The following RBFOX1 variants were observed in gnomAD, a reference collection of about 807,000 sequenced individuals.
The protein encoded by RBFOX1 is RNA binding protein fox-1 homolog 1.
A neutral mutation model predicts 57.7 loss-of-function variants in RBFOX1; 8 were observed. The observed-to-expected ratio is 0.14, with a 90% confidence interval of 0.08 to 0.25. The LOEUF is 0.25. RBFOX1 is among the 10% of genes least tolerant of loss of function. RBFOX1 has a pLI of 1.00. For synonymous variants in RBFOX1, 326 were observed against 222.4 expected, an observed-to-expected ratio of 1.47 and a Z score of -4.15; for missense variants, 611 against 548.5, an observed-to-expected ratio of 1.11 and a Z score of -1.14.
chr16:6,474,610 A>T (rs1042531950), intron 2 of RBFOX1, among the ~76,000 whole-genome samples: 3 of 152,188 alleles, frequency 2.0e-5, no homozygotes, highest in East Asian at 1.9e-4. Flanking sequence ...TTAGCATGGG[A>T]TGGTGTGGTG....
At chr16:5,459,145 G>A (rs1192433770) in intron 1 of RBFOX1, among the ~76,000 whole-genome samples, 5 of 152,152 alleles carry the variant, frequency 3.3e-5, no homozygotes, top group Admixed American at 2.6e-4. Flanking sequence ...TTTTCTTGGC[G>A]ATGGAGTTCC....
chr16:6,578,987 C>G (rs1037553330), intron 2 of RBFOX1, among the ~76,000 whole-genome samples: 15 of 151,834 alleles, frequency 9.9e-5, no homozygotes, highest in African/African-American at 3.6e-4. Context: ...GAAATCACCA[C>G]TAAAGCACTT....
intron 2 of RBFOX1, among the ~76,000 whole-genome samples, chr16:6,369,089 T>G (rs2090074064): frequency 6.6e-6 from 1 of 152,180 alleles, no homozygotes; most frequent in Admixed American, 6.5e-5. Context: ...TATATATACA[T>G]GTATGTATGT....
intron 4 of RBFOX1, among the ~76,000 whole-genome samples, chr16:7,217,486 G>C (rs1038494748): frequency 7.9e-5 from 12 of 151,802 alleles, no homozygotes; most frequent in African/African-American, 2.9e-4. Flanking sequence ...TGGAAGCTTT[G>C]TTCCTGGTGT....
chr16:6,153,618 C>T (rs1231842241), intron 1 of RBFOX1, among the ~76,000 whole-genome samples: 4 of 152,084 alleles, frequency 2.6e-5, no homozygotes, highest in Non-Finnish European at 5.9e-5. Context: ...TCACTGCAAC[C>T]TCTGCCTCCC....
intron 12 of RBFOX1, among the ~76,000 whole-genome samples, chr16:7,661,117 A>G (rs908537044): frequency 1.3e-5 from 2 of 152,162 alleles, no homozygotes; most frequent in Non-Finnish European, 1.5e-5. Flanking sequence ...GAGAAAAACA[A>G]TGTTTTGGTA....
intron 3 of RBFOX1, among the ~76,000 whole-genome samples, chr16:6,887,903 C>T (rs898526826): frequency 1.3e-5 from 2 of 152,082 alleles, no homozygotes; most frequent in South Asian, 2.1e-4. Context: ...TTCAAGTGAT[C>T]CACCCGTCAT....
chr16:5,385,994 A>G (rs1316358600), intron 1 of RBFOX1, among the ~76,000 whole-genome samples: 1 of 152,180 alleles, frequency 6.6e-6, no homozygotes, highest in Non-Finnish European at 1.5e-5. Flanking sequence ...AGAGGAGGAA[A>G]TGAATGCCTC....
rs148937409 is a variant in RBFOX1 at position 6,825,465 on chromosome 16, A to G, written c.-16+170815A>G. Among the ~76,000 whole-genome samples the G allele has an allele frequency of 7.7e-4, 117 of 152,266 alleles. 2 individuals are homozygous for G. Among genetic ancestry groups the G allele is most frequent in the Non-Finnish European group, 1.2e-3 (84 of 68,012 alleles). On this transcript the variant is annotated intron_variant, in intron 3 of 15. Transcript: ENST00000550418. ...GGGAAAGGAAAAATAACGACAGGAA[A>G]AGGGAGTTGTGTGTTTAGAACAAAC...
chr16:6,735,310 G>T (rs1568400834), intron 3 of RBFOX1, among the ~76,000 whole-genome samples: 1 of 152,192 alleles, frequency 6.6e-6, no homozygotes, highest in African/African-American at 2.4e-5. Context: ...GTTCATGTTG[G>T]TGGAATTACT....
intron 4 of RBFOX1, among the ~76,000 whole-genome samples, chr16:7,221,094 C>G (rs954308007): frequency 3.9e-5 from 6 of 152,206 alleles, no homozygotes; most frequent in African/African-American, 1.4e-4. Flanking sequence ...GTTGATGTGA[C>G]TAAATTTTGA....
rs112755564 is a variant in RBFOX1 at position 6,310,712 on chromosome 16, C to T, written c.-126-6283C>T. 2.8e-3 allele frequency among the ~76,000 whole-genome samples: 426 copies of T among 152,204 alleles called. 5 individuals carry two copies. The highest frequency in any genetic ancestry group is 9.7e-3 in the African/African-American group (405 of 41,548). On this transcript the variant is annotated intron_variant, in intron 1 of 15. Coordinates refer to ENST00000550418, the MANE Select transcript of RBFOX1 (RefSeq NM_018723.4). ...CACTCATGAATATGACTGGGCACAG[C>T]CTGGTGCTTCGAGGTGCTGCCACTC...
chr16:5,798,502 T>G (rs1342029816), intron 3 of RBFOX1, among the ~76,000 whole-genome samples: 2 of 152,098 alleles, frequency 1.3e-5, no homozygotes, highest in Non-Finnish European at 2.9e-5. Flanking sequence ...CATGCAGACT[T>G]GAAACAACCT....
intron 4 of RBFOX1, among the ~76,000 whole-genome samples, chr16:7,495,950 T>C (rs2068501362): frequency 1.3e-5 from 2 of 152,198 alleles, no homozygotes; most frequent in African/African-American, 4.8e-5. Context: ...CTCATTTAAA[T>C]TTATGTTTGA....
intron 1 of RBFOX1, among the ~76,000 whole-genome samples, chr16:6,227,170 T>C (rs1213331590): frequency 6.6e-6 from 1 of 152,036 alleles, no homozygotes; most frequent in Non-Finnish European, 1.5e-5. Context: ...TATATCTTTT[T>C]GTTGCAGACA....
At chr16:7,667,719 C>G (rs376614590) in intron 13 of RBFOX1, among the ~76,000 whole-genome samples, 1 of 152,118 alleles carries the variant, frequency 6.6e-6, no homozygotes, top group East Asian at 1.9e-4. Context: ...CTCACTGTGT[C>G]GCCCAGGCTG....
chr16:7,110,275 C>G (rs1369787599), intron 4 of RBFOX1, among the ~76,000 whole-genome samples: 1 of 151,832 alleles, frequency 6.6e-6, no homozygotes, highest in Admixed American at 6.6e-5. Context: ...GCAGAAGGAT[C>G]CCCGGAACCT....
chr16:5,817,078 T>C (rs1342423573), intron 3 of RBFOX1, among the ~76,000 whole-genome samples: 4 of 152,166 alleles, frequency 2.6e-5, no homozygotes, highest in African/African-American at 9.7e-5. Flanking sequence ...ATATCCCATT[T>C]TGGGTTCAGC....
At position 7,688,221 on chromosome 16, in the gene RBFOX1, ATGTGTGTGTGTGTGTGTGTGTG is replaced by A. The variant is rs3029191; in HGVS notation, c.995+11402_995+11423del. 2.5e-4 allele frequency among the ~76,000 whole-genome samples: 30 copies of A among 121,012 alleles called. 1 individual carries two copies. The highest frequency in any genetic ancestry group is 3.6e-4 in the Non-Finnish European group (21 of 57,854). The allele number at this position is 121,012 out of a possible 152,430, so 79.4% of individuals were successfully genotyped here. Reference sequence around the variant, plus strand: ...TAGTAGGCATCCTTGGCAGGTTTAAATGTGTGTGTGTGTGTGTGTGTGTGTGTGTGTGTGTGTGTGAGAGAGA... The same window carrying A: ...TAGTAGGCATCCTTGGCAGGTTTAAATGTGTGTGTGTGTGTGTGAGAGAGA... On this transcript the variant is annotated intron_variant, in intron 14 of 15. Coordinates refer to ENST00000550418, the MANE Select transcript of RBFOX1 (RefSeq NM_018723.4).
Sources: gnomAD v4.1 joint callset for allele counts (sites outside exome capture counted in the v4.1 genomes callset) on GRCh38, gnomAD v4.1.1 for gene constraint, MANE v1.5 for transcripts, NCBI Gene and HGNC (gene_info 2026-07-23, HGNC 2026-07-21) for gene names.